MPDZ: variants seen among roughly 807,000 people sequenced by gnomAD.
The protein encoded by MPDZ is multiple PDZ domain crumbs cell polarity complex component.
In MPDZ, 234 loss-of-function variants were observed where a neutral mutation model predicts 239.1. The ratio of observed to expected loss-of-function variants is 0.98; its 90% CI spans 0.88 to 1.09. The LOEUF (loss-of-function observed/expected upper bound fraction) is 1.09. Among genes scored for constraint, MPDZ ranks in the 50% least tolerant of loss-of-function variants. The pLI is 0.00. For missense variants in MPDZ, 3,175 were observed against 2,510.0 expected, an observed-to-expected ratio of 1.26 and a Z score of -5.66; for synonymous variants, 1,048 against 881.3, an observed-to-expected ratio of 1.19 and a Z score of -3.35.
At chr9:13,124,304 A>T (rs1944801968) in intron 35 of MPDZ, among the ~76,000 whole-genome samples, 1 of 152,230 alleles carries the variant, frequency 6.6e-6, no homozygotes, top group South Asian at 2.1e-4. Context: ...TCAGTGAATT[A>T]TCCAGTCTTT....
Position 13,192,137 on chromosome 9 carries a change from T to C in MPDZ, c.1962A>G (p.Thr654=). The C allele has an allele frequency of 2.5e-6, 4 of 1,596,510 alleles. No individual in the cohort carries two copies. The highest frequency in any genetic ancestry group is 3.4e-6 in the Non-Finnish European group (4 of 1,170,592). ...ATGTATGCAAATCTGATACCTTTTC[T>C]GTTAGCTCAATATCACATAAGTCCA... ...DSLDLCDIEL[T]EKPHVDLGEF... is the part of the protein sequence containing the mutation. The change falls in exon 15 of 47, where the codon ACA becomes ACG. Residue 654 remains threonine (T), a synonymous_variant. Transcript: ENST00000319217.
chr9:13,136,231 C>A lies in MPDZ; in HGVS notation c.4293-49G>T, dbSNP rs769600566. The A allele has an allele frequency of 4.8e-6, 6 of 1,261,198 alleles. No individual in the cohort carries two copies. The Admixed American group carries it at 1.2e-4, about 25-fold the overall frequency. The allele number at this position is 1,261,198 out of a possible 1,614,324, so 78.1% of individuals were successfully genotyped here. A position where few individuals can be genotyped will look rare whatever the true frequency, so the allele number is the denominator to read the frequency against. On this transcript the variant is annotated intron_variant, in intron 30 of 46. Coordinates refer to ENST00000319217, the MANE Select transcript of MPDZ (RefSeq NM_001378778.1). ...TATTATAACATCATGGTATTATTTT[C>A]ATTCTCTTACTTCAAGAGTCAGAAG... is the stretch of plus-strand genomic sequence containing the variant.
chr9:13,199,935 T>G (rs1049156357), intron 12 of MPDZ, among the ~76,000 whole-genome samples: 2 of 152,078 alleles, frequency 1.3e-5, no homozygotes, highest in African/African-American at 4.8e-5. Context: ...TGTGTCCTTC[T>G]CTGGTTTTAG....
intron 12 of MPDZ, among the ~76,000 whole-genome samples, chr9:13,202,321 C>G (rs576827549): frequency 2.1e-4 from 32 of 152,270 alleles, no homozygotes; most frequent in African/African-American, 7.0e-4. Flanking sequence ...GGGTCTCCAG[C>G]CTGGGGAAGA....
intron 7 of MPDZ, 54 bp from the exon 8 acceptor site, chr9:13,219,822 T>G: frequency 1.3e-6 from 2 of 1,533,120 alleles, no homozygotes; most frequent in Non-Finnish European, 1.8e-6. Flanking sequence ...CTGCAACAGA[T>G]AAATCCTAAA....
chr9:13,276,959 A>G (rs557824026), intron 1 of MPDZ, among the ~76,000 whole-genome samples: 7 of 152,222 alleles, frequency 4.6e-5, no homozygotes, highest in Non-Finnish European at 7.3e-5. Flanking sequence ...CTAGCAGTTA[A>G]AAACTAAAAG....
At chr9:13,270,939 G>GT (rs1418225026) in intron 1 of MPDZ, among the ~76,000 whole-genome samples, 2 of 152,086 alleles carry the variant, frequency 1.3e-5, no homozygotes, top group Non-Finnish European at 2.9e-5. Context: ...ATCAAACATG[G>GT]TAAGAATTAC....
intron 40 of MPDZ, among the ~76,000 whole-genome samples, chr9:13,114,743 T>C (rs972920808): frequency 4.0e-5 from 6 of 151,674 alleles, no homozygotes; most frequent in South Asian, 2.1e-4. Context: ...CTAATAAAAA[T>C]ACAAAAATTA....
At chr9:13,255,625 G>A (rs1428314184) in intron 1 of MPDZ, among the ~76,000 whole-genome samples, 1 of 152,158 alleles carries the variant, frequency 6.6e-6, no homozygotes, top group East Asian at 1.9e-4. Context: ...CTCTATCAGA[G>A]CTCTTGGATA....
In MPDZ at chr9:13,133,225, T is replaced by C. The variant is rs574266118; in HGVS notation, c.4464+599A>G. Among the ~76,000 whole-genome samples, 34 of 152,172 alleles carry C rather than the reference T, an allele frequency of 2.2e-4. No individual in the cohort carries two copies. In the South Asian group the frequency reaches 6.4e-3, roughly 29 times the overall value. The stretch of plus-strand genomic sequence containing the variant: ...GGAAAGAGGAAGATGTCATCTCTCT[T>C]AAATGGCAATAGAATGAGGGATTCT... On this transcript the variant is annotated intron_variant, in intron 32 of 46. Transcript: ENST00000319217.
chr9:13,210,451 GC>G (rs1957489622), intron 10 of MPDZ, among the ~76,000 whole-genome samples: 1 of 150,680 alleles, frequency 6.6e-6, no homozygotes, highest in South Asian at 2.1e-4. Context: ...AGGAAAGAAT[GC>G]TATATACCCT....
chr9:13,206,658 C>T (rs1957035530), intron 10 of MPDZ, among the ~76,000 whole-genome samples: 2 of 151,962 alleles, frequency 1.3e-5, no homozygotes, highest in African/African-American at 2.4e-5. Flanking sequence ...ATTCTTCTGC[C>T]TCAGCCTCCC....
At chr9:13,270,376 A>G (rs985744495) in intron 1 of MPDZ, among the ~76,000 whole-genome samples, 3 of 152,154 alleles carry the variant, frequency 2.0e-5, no homozygotes, top group Non-Finnish European at 4.4e-5. Flanking sequence ...CAGAATGAAG[A>G]CATCTTATTT....
chr9:13,132,937 T>C (rs907415355), intron 32 of MPDZ, among the ~76,000 whole-genome samples: 2 of 152,196 alleles, frequency 1.3e-5, no homozygotes, highest in African/African-American at 4.8e-5. Flanking sequence ...TGGGCAGTCA[T>C]TATATCCTAG....
intron 22 of MPDZ, among the ~76,000 whole-genome samples, chr9:13,166,039 G>A (rs950665414): frequency 1.3e-5 from 2 of 152,084 alleles, no homozygotes; most frequent in Non-Finnish European, 2.9e-5. Flanking sequence ...AATCAGTTAT[G>A]TAACTCAACC....
intron 9 of MPDZ, 96 bp downstream of exon 9, chr9:13,217,084 C>G: frequency 1.1e-6 from 1 of 952,354 alleles, no homozygotes; most frequent in African/African-American, 1.7e-5. Flanking sequence ...GTTTATCCAA[C>G]AACCTGAAAC....
chr9:13,260,616 G>A lies in MPDZ; in HGVS notation c.-57-10244C>T, dbSNP rs558406520. Among the ~76,000 whole-genome samples, 5 of 152,126 alleles carry A rather than the reference G, an allele frequency of 3.3e-5. No homozygotes were observed. The South Asian group carries it at 6.2e-4, about 19-fold the overall frequency. ...ACAGGTCTTTTAGGAAACAGTTAACGTTAAATGAGGATATAAGGGTGGGGT... is the reference window on the plus strand; with the variant it reads ...ACAGGTCTTTTAGGAAACAGTTAACATTAAATGAGGATATAAGGGTGGGGT... On this transcript the variant is annotated intron_variant, in intron 1 of 46. Transcript: ENST00000319217.
intron 29 of MPDZ, among the ~76,000 whole-genome samples, chr9:13,137,037 G>A (rs965430398): frequency 6.6e-5 from 10 of 152,100 alleles, no homozygotes; most frequent in Non-Finnish European, 1.5e-5. Context: ...TCCATGAACT[G>A]CTGATAAAGA....
intron 22 of MPDZ, among the ~76,000 whole-genome samples, chr9:13,164,599 A>G (rs193292405): frequency 6.6e-5 from 10 of 152,294 alleles, no homozygotes; most frequent in Admixed American, 6.6e-4. Context: ...TTTGAGAAAG[A>G]AGGTAAAGAT....
Sources: gnomAD v4.1 joint callset for allele counts (sites outside exome capture counted in the v4.1 genomes callset) on GRCh38, gnomAD v4.1.1 for gene constraint, MANE v1.5 for transcripts, NCBI Gene and HGNC (gene_info 2026-07-23, HGNC 2026-07-21) for gene names.